GIPR: variants seen among roughly 807,000 people sequenced by gnomAD.
GIPR encodes the protein GIP-R.
A neutral mutation model predicts 62.2 loss-of-function variants in GIPR; 74 were observed. The observed-to-expected ratio is 1.19, with a 90% CI of 0.99 to 1.44. The LOEUF is 1.44. Ranked by LOEUF, GIPR falls within the 40% of genes most tolerant of loss-of-function variation. The pLI is 0.00. For synonymous variants in GIPR, 256 were observed against 262.2 expected (o/e 0.98, Z 0.23); for missense variants, 664 against 611.8 (o/e 1.09, Z -0.90).
intron 10 of GIPR, 26 bp downstream of exon 10, chr19:45,677,805 G>C: frequency 6.2e-7 from 1 of 1,607,032 alleles, no homozygotes; most frequent in Non-Finnish European, 8.5e-7. Context: ...CCTCCACCAG[G>C]CCGCCCTCAG....
Position 45,681,745 on chromosome 19 carries a change from G to A in GIPR, c.1211G>A (p.Arg404His), listed in dbSNP as rs376166364. 2.7e-5 allele frequency: 44 copies of A among 1,609,156 alleles called. No individual in the cohort carries two copies. In the African/African-American group the frequency reaches 5.6e-4, roughly 20 times the overall value. The change falls in exon 14 of 14, where the codon CGC (arginine) becomes CAC (histidine). Residue 404 changes from arginine (R) to histidine (H), a missense_variant. Arg to His is a conservative substitution (Grantham distance 29). Coordinates refer to ENST00000590918, the MANE Select transcript of GIPR (RefSeq NM_000164.4). ...FINKEVQSEI[R>H]RGWHHCRLRR... is the part of the protein sequence containing the mutation. ...GTCTCACAGGTGCAGTCGGAGATCCGCCGTGGCTGGCACCACTGCCGCCTG... is the reference window on the plus strand; with the variant it reads ...GTCTCACAGGTGCAGTCGGAGATCCACCGTGGCTGGCACCACTGCCGCCTG...
At chr19:45,671,525 C>A in intron 4 of GIPR, 133 bp downstream of exon 4, 1 of 687,682 alleles carries the variant, frequency 1.5e-6, no homozygotes. Flanking sequence ...CTACTCCTTT[C>A]CGGCAGGCTG....
intron 12 of GIPR, among the ~76,000 whole-genome samples, chr19:45,679,737 G>T (rs1296132780): frequency 3.3e-5 from 5 of 151,912 alleles, no homozygotes; most frequent in Non-Finnish European, 5.9e-5. Flanking sequence ...CTCCTAAGTG[G>T]CTGGGAGCAC....
chr19:45,672,632 T>C, intron 4 of GIPR: 1 of 503,092 alleles, frequency 2.0e-6, no homozygotes. Flanking sequence ...AATTTTCCCA[T>C]ATGTAGAACT....
chr19:45,677,464 G>A, intron 9 of GIPR, 81 bp downstream of exon 9: 3 of 1,053,806 alleles, frequency 2.8e-6, no homozygotes, highest in Non-Finnish European at 4.4e-6. Flanking sequence ...GGACATGTGG[G>A]CAGGGTCGGA....
chr19:45,680,671 A>C (rs1328953251), intron 12 of GIPR, among the ~76,000 whole-genome samples: 1 of 151,708 alleles, frequency 6.6e-6, no homozygotes, highest in Non-Finnish European at 1.5e-5. Context: ...CTCTACTAAA[A>C]ACACAAAAAA....
In GIPR at chr19:45,674,739, G is replaced by C; in HGVS notation, c.546G>C (p.Leu182=). 6.2e-7 allele frequency: 1 copy of C among 1,613,954 alleles called. No individual in the cohort carries two copies. The highest frequency in any genetic ancestry group is 8.5e-7 in the Non-Finnish European group (1 of 1,179,956). Residue 182 remains leucine, a synonymous_variant, in exon 7 of 14, where the codon CTG becomes CTC. Transcript: ENST00000590918. ...TCAACCTGTTCACGTCTTTCATGCT[G>C]CGAGCTGCGGCCATTCTCAGCCGAG... ...IHINLFTSFM[L]RAAAILSRDR... is the part of the protein sequence containing the mutation.
chr19:45,676,712 G>A (rs1238299391), intron 7 of GIPR, among the ~76,000 whole-genome samples: 1 of 152,256 alleles, frequency 6.6e-6, no homozygotes, highest in East Asian at 1.9e-4. Context: ...GGGATTACAG[G>A]CGTGAGCCAC....
chr19:45,671,422 C>G (rs768688275), intron 4 of GIPR, 30 bp downstream of exon 4: 3 of 1,384,852 alleles, frequency 2.2e-6, no homozygotes, highest in Non-Finnish European at 3.1e-6. Flanking sequence ...CGGAGCCCTC[C>G]CCAGACACAA....
rs1975609871 is a variant in GIPR at position 45,672,786 on chromosome 19, A to G, written c.281-65A>G. ...CTCTCCCTCTCTGTTATTGTCTCAC[A>G]GTTTGTCTTTCTGTATTTATCTCTT... On this transcript the variant is annotated intron_variant, in intron 4 of 13. Coordinates refer to ENST00000590918, the MANE Select transcript of GIPR (RefSeq NM_000164.4). The G allele has an allele frequency of 6.5e-6, 6 of 924,834 alleles. No individual in the cohort carries two copies. The East Asian group carries it at 1.5e-4, about 23-fold the overall frequency. 57.3% of individuals were successfully genotyped at this position (924,834 alleles called of 1,614,324 possible). A position where few individuals can be genotyped will look rare whatever the true frequency, so the allele number is the denominator to read the frequency against.
rs199645877 is a variant in GIPR, at chr19:45,678,116, C to T, written c.1042C>T (p.Pro348Ser). The change falls in exon 12 of 14, where the codon CCC becomes TCC. Residue 348 changes from proline to serine, a missense_variant. Pro to Ser is a moderately conservative substitution (Grantham distance 74). Coordinates refer to ENST00000590918, the MANE Select transcript of GIPR (RefSeq NM_000164.4). ...GGCTCGCTCCACGCTGACGCTGGTG[C>T]CCCTGCTGGGTGTCCACGAGGTGGT... ...RLARSTLTLV[P>S]LLGVHEVVFA... The T allele has an allele frequency of 6.2e-7, 1 of 1,612,658 alleles. No homozygotes were observed. Among genetic ancestry groups the T allele is most frequent in the East Asian group, 2.2e-5 (1 of 44,824 alleles).
chr19:45,674,581 TG>T, intron 6 of GIPR, 100 bp from the exon 7 acceptor site: 1 of 1,057,010 alleles, frequency 9.5e-7, no homozygotes, highest in Non-Finnish European at 1.4e-6. Context: ...CATTCTAGCC[TG>T]GGTGACAGAG....
intron 7 of GIPR, 63 bp downstream of exon 7, chr19:45,674,889 T>C: frequency 6.7e-7 from 1 of 1,488,670 alleles, no homozygotes; most frequent in Non-Finnish European, 9.4e-7. Flanking sequence ...ACCAGGAAGT[T>C]CTCAGTCCAT....
At chr19:45,670,380 C>T (rs899033256) in intron 2 of GIPR, 4 of 438,716 alleles carry the variant, frequency 9.1e-6, no homozygotes, top group African/African-American at 8.0e-5. Context: ...CTTCCCCCAA[C>T]AAGTCCTCCT....
rs1967330442 is a variant in GIPR at position 45,683,177 on chromosome 19, G to C, written c.*1242G>C. ...GCTCTTTGGAAAGGTTAGGCTGGCAGTGTTTGTAGGACATGACAGGACACT... is the reference window on the plus strand; with the variant it reads ...GCTCTTTGGAAAGGTTAGGCTGGCACTGTTTGTAGGACATGACAGGACACT... On this transcript the variant is annotated 3_prime_UTR_variant, in exon 14 of 14. Transcript: ENST00000590918. 1 of 152,614 alleles carries C rather than the reference G, an allele frequency of 6.6e-6. No individual in the cohort carries two copies. Among genetic ancestry groups the C allele is most frequent in the Non-Finnish European group, 1.5e-5 (1 of 68,228 alleles). The allele number at this position is 152,614 out of a possible 1,614,324, so 9.5% of individuals were successfully genotyped here.
intron 6 of GIPR, 61 bp from the exon 7 acceptor site, chr19:45,674,621 A>G: frequency 2.0e-6 from 3 of 1,527,886 alleles, no homozygotes; most frequent in Non-Finnish European, 1.8e-6. Flanking sequence ...AAAAAATAGA[A>G]CTCTGTGTGG....
intron 12 of GIPR, 124 bp downstream of exon 12, chr19:45,678,350 G>T (rs1324745744): frequency 1.8e-6 from 2 of 1,085,618 alleles, no homozygotes; most frequent in Non-Finnish European, 1.3e-6. Flanking sequence ...GATTTAGTTC[G>T]TTCATTAATT....
chr19:45,669,521 A>ATGACTACCT lies in GIPR; in HGVS notation c.2_10dup (p.Thr3_Ser4insLeuThrThr), dbSNP rs561664397. The ATGACTACCT allele has an allele frequency of 1.3e-4, 204 of 1,574,636 alleles. 1 individual carries two copies. In the African/African-American group the frequency reaches 2.2e-3, roughly 17 times the overall value. On this transcript the variant is annotated inframe_insertion, in exon 2 of 14. Transcript: ENST00000590918. The stretch of plus-strand genomic sequence containing the variant: ...AACCAGACCCTTCGCCGCCCTCACG[A>ATGACTACCT]TGACTACCTCTCCGATCCTGCAGCT...
chr19:45,681,499 A>AAC, intron 12 of GIPR, 105 bp from the exon 13 acceptor site: 1 of 987,328 alleles, frequency 1.0e-6, no homozygotes, highest in Non-Finnish European at 1.6e-6. Flanking sequence ...CCGACTCTTA[A>AAC]AAACAAACAA....
Sources: allele counts gnomAD v4.1 joint callset (sites outside exome capture counted in the v4.1 genomes callset), GRCh38; gene constraint gnomAD v4.1.1; transcripts MANE v1.5; gene names NCBI Gene and HGNC (gene_info 2026-07-23, HGNC 2026-07-21).